ME3: variants seen among roughly 807,000 people sequenced by gnomAD.
ME3 encodes malic enzyme 3, also known as NADP-dependent malic enzyme, mitochondrial.
A neutral mutation model predicts 68.9 loss-of-function variants in ME3; 48 were observed. The observed-to-expected ratio is 0.70, with a 90% CI of 0.55 to 0.89. The LOEUF (loss-of-function observed/expected upper bound fraction) is 0.89. ME3 is among the 40% of genes least tolerant of loss of function. The pLI is 0.00. For missense variants in ME3, 675 were observed against 797.4 expected, an observed-to-expected ratio of 0.85 and a Z score of 1.85; for synonymous variants, 320 against 318.8, an observed-to-expected ratio of 1.00 and a Z score of -0.04.
intron 2 of ME3, among the ~76,000 whole-genome samples, chr11:86,664,688 G>A (rs1946485211): frequency 1.3e-5 from 2 of 152,170 alleles, no homozygotes; most frequent in African/African-American, 4.8e-5. Flanking sequence ...TCAGAGTGGA[G>A]GGTGGGAGTT....
intron 2 of ME3, among the ~76,000 whole-genome samples, chr11:86,644,203 G>GCTCCTGCCTCTCCGTGACCC (rs978430784): frequency 6.6e-6 from 1 of 152,012 alleles, no homozygotes; most frequent in African/African-American, 2.4e-5. Context: ...TAATCTGACC[G>GCTCCTGCCTCTCCGTGACCC]CTCCTGCCTC....
intron 12 of ME3, 109 bp from the exon 13 acceptor site, chr11:86,446,596 C>T (rs908415304): frequency 6.9e-5 from 73 of 1,061,704 alleles, no homozygotes; most frequent in African/African-American, 6.0e-4. Flanking sequence ...CTCTCCCAAA[C>T]GCCCAGCACT....
At chr11:86,539,204 T>C (rs1242958524) in intron 4 of ME3, among the ~76,000 whole-genome samples, 1 of 152,176 alleles carries the variant, frequency 6.6e-6, no homozygotes, top group Non-Finnish European at 1.5e-5. Flanking sequence ...TTTTCCAGCC[T>C]ATAGCCTTGC....
chr11:86,440,159 A>G (rs1342613309), downstream of ME3, among the ~76,000 whole-genome samples: 3 of 152,212 alleles, frequency 2.0e-5, no homozygotes, highest in African/African-American at 7.2e-5. Context: ...CTGAGGTAGC[A>G]GCAGGAGTAG....
intron 4 of ME3, among the ~76,000 whole-genome samples, chr11:86,515,340 C>T (rs1283174089): frequency 6.6e-6 from 1 of 152,102 alleles, no homozygotes; most frequent in Non-Finnish European, 1.5e-5. Context: ...GCAACACTAT[C>T]CAGAGGGCAT....
At chr11:86,490,477 T>C (rs1271624793) in intron 6 of ME3, among the ~76,000 whole-genome samples, 1 of 152,120 alleles carries the variant, frequency 6.6e-6, no homozygotes, top group African/African-American at 2.4e-5. Flanking sequence ...CTTAGAAGCA[T>C]CAAACAGCCA....
At chr11:86,604,390 G>A (rs912067484) in intron 2 of ME3, among the ~76,000 whole-genome samples, 4 of 152,054 alleles carry the variant, frequency 2.6e-5, no homozygotes, top group Non-Finnish European at 4.4e-5. Flanking sequence ...GTGGGGTGAG[G>A]TGGAGGGCTT....
chr11:86,663,269 C>T (rs992627093), intron 2 of ME3, among the ~76,000 whole-genome samples: 26 of 152,286 alleles, frequency 1.7e-4, no homozygotes, highest in African/African-American at 6.3e-4. Context: ...ATTCAAGTTT[C>T]TCAAAAGCTG....
intron 2 of ME3, among the ~76,000 whole-genome samples, chr11:86,583,370 A>T (rs535568916): frequency 4.8e-4 from 73 of 152,324 alleles, no homozygotes; most frequent in African/African-American, 1.7e-3. Flanking sequence ...CACCAACCGA[A>T]TACAAGATGT....
chr11:86,469,863 T>C (rs1430011568), intron 7 of ME3, among the ~76,000 whole-genome samples: 4 of 151,510 alleles, frequency 2.6e-5, no homozygotes, highest in African/African-American at 7.3e-5. Flanking sequence ...TTTTTTTTTT[T>C]CCCTCCAGTA....
intron 6 of ME3, among the ~76,000 whole-genome samples, chr11:86,493,044 A>G (rs1952093326): frequency 6.6e-6 from 1 of 152,188 alleles, no homozygotes; most frequent in African/African-American, 2.4e-5. Flanking sequence ...CAAAGATCCT[A>G]GCAAGGGCAT....
chr11:86,654,316 T>C (rs892815438), intron 2 of ME3, among the ~76,000 whole-genome samples: 5 of 152,160 alleles, frequency 3.3e-5, no homozygotes, highest in South Asian at 2.1e-4. Context: ...TAGACCAATA[T>C]CTTTGATGAA....
chr11:86,494,023 G>A (rs943107490), intron 6 of ME3, among the ~76,000 whole-genome samples: 3 of 151,310 alleles, frequency 2.0e-5, no homozygotes, highest in Non-Finnish European at 4.4e-5. Context: ...TGGGACTTCT[G>A]GGGGGAATAT....
At chr11:86,512,624 T>C (rs1953623510) in intron 4 of ME3, among the ~76,000 whole-genome samples, 1 of 152,196 alleles carries the variant, frequency 6.6e-6, no homozygotes, top group Non-Finnish European at 1.5e-5. Flanking sequence ...CAAGGGATCA[T>C]GTGGGTTGTG....
chr11:86,559,820 TC>T lies in ME3; in HGVS notation c.186del (p.Met63TrpfsTer16). 1 of 1,612,906 alleles carries T rather than the reference TC, an allele frequency of 6.2e-7. No individual in the cohort carries two copies. The highest frequency in any genetic ancestry group is 1.1e-5 in the South Asian group (1 of 90,926). On this transcript the variant is annotated frameshift_variant and splice_region_variant, in exon 3 of 15. Coordinates refer to ENST00000543262, the Ensembl canonical transcript of ME3. LOFTEE classifies it high-confidence loss of function. ...AGCCTTTCTTCAAGGGTAAAGGCCA[TC>T]CCCTGGGAAAAACAGGAAAAGAACA...
At chr11:86,508,549 A>G (rs1200183856) in intron 5 of ME3, among the ~76,000 whole-genome samples, 1 of 152,216 alleles carries the variant, frequency 6.6e-6, no homozygotes, top group Non-Finnish European at 1.5e-5. Context: ...ACACATGCTG[A>G]ACATATCTTC....
intron 2 of ME3, among the ~76,000 whole-genome samples, chr11:86,564,684 T>G (rs763699671): frequency 4.6e-5 from 7 of 152,128 alleles, no homozygotes; most frequent in Non-Finnish European, 8.8e-5. Flanking sequence ...TAACTCACAT[T>G]ATACACAAAC....
chr11:86,460,716 T>C (rs1472760970), intron 8 of ME3, among the ~76,000 whole-genome samples: 1 of 152,186 alleles, frequency 6.6e-6, no homozygotes, highest in Admixed American at 6.5e-5. Flanking sequence ...ACCCCTTCAC[T>C]CCCAACCCTC....
chr11:86,463,676 A>G lies in ME3; in HGVS notation c.919+1415T>C, dbSNP rs541972305. Among the ~76,000 whole-genome samples the G allele has an allele frequency of 5.3e-5, 8 of 152,308 alleles. No homozygotes were observed. In the South Asian group the frequency reaches 1.7e-3, roughly 32 times the overall value. ...TCATATATTTTAAACTAAATTTTCT[A>G]ATAGTGTGTTCTAACTGTGCTATCT... On this transcript the variant is annotated intron_variant, in intron 8 of 14. Coordinates refer to ENST00000543262, the Ensembl canonical transcript of ME3.
Sources: gnomAD v4.1 joint callset for allele counts (sites outside exome capture counted in the v4.1 genomes callset) on GRCh38, gnomAD v4.1.1 for gene constraint, MANE v1.5 for transcripts, NCBI Gene and HGNC (gene_info 2026-07-23, HGNC 2026-07-21) for gene names.